The following BHLHE22 variants were observed in gnomAD, a reference collection of about 807,000 sequenced individuals.
The protein encoded by BHLHE22 is basic helix-loop-helix family member e22, also known as class E basic helix-loop-helix protein 22.
BHLHE22 carries 8 observed loss-of-function variants against 17.6 expected under a neutral mutation model. The observed-to-expected ratio is 0.45, with a 90% CI of 0.27 to 0.82. BHLHE22 has a LOEUF of 0.82. Among genes scored for constraint, BHLHE22 ranks in the 40% least tolerant of loss-of-function variants. The probability of loss-of-function intolerance (pLI) is 0.16; values close to 1 mark genes in which losing one functional copy is unlikely to be tolerated. For missense variants in BHLHE22, 570 were observed against 581.5 expected (o/e 0.98, Z 0.20); for synonymous variants, 353 against 282.7 (o/e 1.25, Z -2.49).
Position 64,580,657 on chromosome 8 carries a change from C to A in BHLHE22, c.-134C>A. 3.0e-6 allele frequency: 1 copy of A among 330,050 alleles called. No individual in the cohort carries two copies. Among genetic ancestry groups the A allele is most frequent in the Non-Finnish European group, 4.4e-6 (1 of 228,594 alleles). 20.4% of individuals were successfully genotyped at this position (330,050 alleles called of 1,614,324 possible). A position where few individuals can be genotyped will look rare whatever the true frequency, so the allele number is the denominator to read the frequency against. On this transcript the variant is annotated 5_prime_UTR_variant, in exon 1 of 1. Coordinates refer to ENST00000321870, the MANE Select transcript of BHLHE22 (RefSeq NM_152414.5). ...AGAAAGAAGGGGAGAGGGCTCCCGG[C>A]AGCACCAGGACCGACGCGCGCACCA...
Position 64,581,747 on chromosome 8 carries a change from C to T in BHLHE22, c.957C>T (p.Ala319=). The change falls in exon 1 of 1, where the codon GCC becomes GCT. Residue 319 remains alanine (A), a synonymous_variant. Transcript: ENST00000321870. This position sits in a 1 kb window ranked among gnomAD's most constrained non-coding sequence, Gnocchi z 6.4. ...YLNQGQAISA[A]SLPSSAAAAA... Reference sequence around the variant, plus strand: ...ACCAGGGCCAGGCCATCTCGGCTGCCTCCCTGCCCAGCTCGGCGGCTGCAG... The same window carrying T: ...ACCAGGGCCAGGCCATCTCGGCTGCTTCCCTGCCCAGCTCGGCGGCTGCAG... 6.2e-7 allele frequency: 1 copy of T among 1,600,918 alleles called. No homozygotes were observed. Among genetic ancestry groups the T allele is most frequent in the Non-Finnish European group, 8.5e-7 (1 of 1,175,546 alleles).
chr8:64,581,196 G>C lies in BHLHE22; in HGVS notation c.406G>C (p.Gly136Arg), dbSNP rs781325458. Residue 136 changes from glycine (G) to arginine (R), a missense_variant, in exon 1 of 1, where the codon GGC becomes CGC. Physicochemically the swap from Gly to Arg is moderately radical, Grantham distance 125. This residue lies in a region of BHLHE22 where 427 missense variants were observed against 376.2 expected (regional missense o/e 1.14). Transcript: ENST00000321870. This position sits in a 1 kb window ranked among gnomAD's most constrained non-coding sequence, Gnocchi z 6.4. ...CAAGTACGGCGAAAGCGCGAGCCGG[G>C]GCTCGGTGGCCGAGAGCAGCGGCGG... ...CLKYGESASRGSVAESSGGEQ... is the reference protein window; with the variant it reads ...CLKYGESASRRSVAESSGGEQ... 8.3e-6 allele frequency: 12 copies of C among 1,440,598 alleles called. No individual in the cohort carries two copies. Among genetic ancestry groups the C allele is most frequent in the South Asian group, 1.5e-5 (1 of 66,280 alleles). The allele number at this position is 1,440,598 out of a possible 1,614,324, so 89.2% of individuals were successfully genotyped here. A position where few individuals can be genotyped will look rare whatever the true frequency, so the allele number is the denominator to read the frequency against.
In BHLHE22 at chr8:64,581,217, G is replaced by A; in HGVS notation, c.427G>A (p.Gly143Ser). 5 of 1,455,232 alleles carry A rather than the reference G, an allele frequency of 3.4e-6. No individual in the cohort carries two copies. Among genetic ancestry groups the A allele is most frequent in the Non-Finnish European group, 4.5e-6 (5 of 1,115,888 alleles). 90.1% of individuals were successfully genotyped at this position (1,455,232 alleles called of 1,614,324 possible). A position where few individuals can be genotyped will look rare whatever the true frequency, so the allele number is the denominator to read the frequency against. The change falls in exon 1 of 1, where the codon GGC becomes AGC. Residue 143 changes from glycine to serine, a missense_variant. Transcript: ENST00000321870. The surrounding 1 kb of genome is among the most constrained non-coding windows in gnomAD (Gnocchi z 6.4). ...ASRGSVAESS[G>S]GEQSPDDDSD... ...CCGGGGCTCGGTGGCCGAGAGCAGC[G>A]GCGGCGAGCAGAGCCCCGACGACGA...
chr8:64,581,073 G>GGCA lies in BHLHE22; in HGVS notation c.285_286insAGC (p.Gly95_Gly96insSer), dbSNP rs1223413587. ...CAGCGCGGGAAGTGGCGGCGGCGGC[G>GGCA]GCGGCGGGGTGGGTGTCCCCGGGCT... On this transcript the variant is annotated inframe_insertion, in exon 1 of 1. Coordinates refer to ENST00000321870, the MANE Select transcript of BHLHE22 (RefSeq NM_152414.5). This position sits in a 1 kb window ranked among gnomAD's most constrained non-coding sequence, Gnocchi z 6.4. 1 of 1,325,336 alleles carries GGCA rather than the reference G, an allele frequency of 7.5e-7. No individual in the cohort carries two copies. Among genetic ancestry groups the GGCA allele is most frequent in the African/African-American group, 1.5e-5 (1 of 64,868 alleles). 82.1% of individuals were successfully genotyped at this position (1,325,336 alleles called of 1,614,324 possible).
rs1402558859 is a variant in BHLHE22, at chr8:64,581,674, T to C, written c.884T>C (p.Met295Thr). 1 of 1,612,538 alleles carries C rather than the reference T, an allele frequency of 6.2e-7. No individual in the cohort carries two copies. Among genetic ancestry groups the C allele is most frequent in the Admixed American group, 1.7e-5 (1 of 59,958 alleles). ...CTGCTCGCCAAGAACTACATCCTCA[T>C]GCAGGCGCAGGCCCTGGAGGAGATG... ...TLLLAKNYILMQAQALEEMRR... is the reference protein window; with the variant it reads ...TLLLAKNYILTQAQALEEMRR... Residue 295 changes from methionine (M) to threonine (T), a missense_variant, in exon 1 of 1, where the codon ATG becomes ACG. By Grantham distance (81) the Met-to-Thr change is moderately conservative. This residue lies in a region of BHLHE22 where 111 missense variants were observed against 122.0 expected (regional missense o/e 0.91). Transcript: ENST00000321870. The surrounding 1 kb of genome is among the most constrained non-coding windows in gnomAD (Gnocchi z 6.4).
At position 64,581,499 on chromosome 8, in the gene BHLHE22, T is replaced by G. The variant is rs1475916141; in HGVS notation, c.709T>G (p.Ser237Ala). The G allele has an allele frequency of 1.3e-6, 2 of 1,587,160 alleles. No individual in the cohort carries two copies. Among genetic ancestry groups the G allele is most frequent in the Non-Finnish European group, 1.7e-6 (2 of 1,171,874 alleles). Residue 237 changes from serine (S) to alanine (A), a missense_variant, in exon 1 of 1, where the codon TCC (serine) becomes GCC (alanine). This residue lies in a region of BHLHE22 where 32 missense variants were observed against 83.3 expected (regional missense o/e 0.38). Transcript: ENST00000321870. The surrounding 1 kb of genome is among the most constrained non-coding windows in gnomAD (Gnocchi z 6.4). The part of the protein sequence containing the change: ...SSSSSSSSKK[S>A]KEQKALRLNI... ...CAGCAGCAGCAGCAGCAGCAAGAAATCCAAAGAGCAAAAGGCGCTGCGGCT... is the reference window on the plus strand; with the variant it reads ...CAGCAGCAGCAGCAGCAGCAAGAAAGCCAAAGAGCAAAAGGCGCTGCGGCT...
Position 64,582,850 on chromosome 8 carries a change from A to G in BHLHE22, c.*914A>G, listed in dbSNP as rs1175101343. 6.0e-6 allele frequency: 1 copy of G among 166,992 alleles called. No individual in the cohort carries two copies. Among genetic ancestry groups the G allele is most frequent in the Admixed American group, 6.5e-5 (1 of 15,280 alleles). The allele number at this position is 166,992 out of a possible 1,614,324, so 10.3% of individuals were successfully genotyped here. A position where few individuals can be genotyped will look rare whatever the true frequency, so the allele number is the denominator to read the frequency against. Reference sequence around the variant, plus strand: ...TACTTATGCTGTGTGCCAAGTGTTTAAAGGTTTATTTGCCAACAAGTATGA... The same window carrying G: ...TACTTATGCTGTGTGCCAAGTGTTTGAAGGTTTATTTGCCAACAAGTATGA... On this transcript the variant is annotated 3_prime_UTR_variant, in exon 1 of 1. Transcript: ENST00000321870.
chr8:64,580,735 A>AGGC lies in BHLHE22; in HGVS notation c.-43_-41dup, dbSNP rs1473288924. On this transcript the variant is annotated 5_prime_UTR_variant, in exon 1 of 1. Coordinates refer to ENST00000321870, the MANE Select transcript of BHLHE22 (RefSeq NM_152414.5). ...GTGGGGCCGCCTGACTCCGGGGCCG[A>AGGC]GGCGGCGGCGGCGGCAGCGGGCGCG... is the stretch of plus-strand genomic sequence containing the variant. The AGGC allele has an allele frequency of 2.7e-5, 27 of 998,802 alleles. No individual in the cohort carries two copies. The South Asian group carries it at 5.5e-4, about 20-fold the overall frequency. The allele number at this position is 998,802 out of a possible 1,614,324, so 61.9% of individuals were successfully genotyped here. A position where few individuals can be genotyped will look rare whatever the true frequency, so the allele number is the denominator to read the frequency against.
rs1397626095 is a variant in BHLHE22, at chr8:64,580,645, G to A, written c.-146G>A. On this transcript the variant is annotated 5_prime_UTR_variant, in exon 1 of 1. Transcript: ENST00000321870. ...CGAAAAAGAAAAAGAAAGAAGGGGA[G>A]AGGGCTCCCGGCAGCACCAGGACCG... 3 of 252,166 alleles carry A rather than the reference G, an allele frequency of 1.2e-5. No individual in the cohort carries two copies. Among genetic ancestry groups the A allele is most frequent in the Non-Finnish European group, 1.3e-5 (2 of 157,180 alleles). The allele number at this position is 252,166 out of a possible 1,614,324, so 15.6% of individuals were successfully genotyped here.
Position 64,580,679 on chromosome 8 carries a change from A to C in BHLHE22, c.-112A>C. On this transcript the variant is annotated 5_prime_UTR_variant, in exon 1 of 1. Transcript: ENST00000321870. ...CGGCAGCACCAGGACCGACGCGCGC[A>C]CCAGCTCCGGAGCCCAGCTCGCGCG... 1 of 555,500 alleles carries C rather than the reference A, an allele frequency of 1.8e-6. No homozygotes were observed. The highest frequency in any genetic ancestry group is 1.4e-4 in the East Asian group (1 of 6,966). The allele number at this position is 555,500 out of a possible 1,614,324, so 34.4% of individuals were successfully genotyped here. A position where few individuals can be genotyped will look rare whatever the true frequency, so the allele number is the denominator to read the frequency against.
rs763704164 is a variant in BHLHE22, at chr8:64,581,450, T to TAGCGGCAGCGGCAGCGGCGGTAGCGGC, written c.672_673insAGCGGCGGTAGCGGCAGCGGCAGCGGC (p.Gly224_Gly225insSerGlyGlySerGlySerGlySerGly). On this transcript the variant is annotated inframe_insertion, in exon 1 of 1. Transcript: ENST00000321870. This position sits in a 1 kb window ranked among gnomAD's most constrained non-coding sequence, Gnocchi z 6.4. ...GCAGTGGCGGCGGTGGCGGTAGCGG[T>TAGCGGCAGCGGCAGCGGCGGTAGCGGC]AGCGGCAGCGGCGGCAGCAGCAGCA... 3 of 1,533,854 alleles carry TAGCGGCAGCGGCAGCGGCGGTAGCGGC rather than the reference T, an allele frequency of 2.0e-6. No homozygotes were observed. Among genetic ancestry groups the TAGCGGCAGCGGCAGCGGCGGTAGCGGC allele is most frequent in the Non-Finnish European group, 2.6e-6 (3 of 1,143,878 alleles).
Position 64,582,169 on chromosome 8 carries a change from G to A in BHLHE22, c.*233G>A. 1.7e-6 allele frequency: 1 copy of A among 592,100 alleles called. No individual in the cohort carries two copies. The highest frequency in any genetic ancestry group is 3.0e-6 in the Non-Finnish European group (1 of 336,916). The allele number at this position is 592,100 out of a possible 1,614,324, so 36.7% of individuals were successfully genotyped here. A position where few individuals can be genotyped will look rare whatever the true frequency, so the allele number is the denominator to read the frequency against. On this transcript the variant is annotated 3_prime_UTR_variant, in exon 1 of 1. Transcript: ENST00000321870. Reference sequence around the variant, plus strand: ...GGGAGGAGGGAGGTGGAGTTGGGATGGAGTATGGATGTCTTTTTTTTCTCA... The same window carrying A: ...GGGAGGAGGGAGGTGGAGTTGGGATAGAGTATGGATGTCTTTTTTTTCTCA...
At position 64,581,060 on chromosome 8, in the gene BHLHE22, TGGCGGC is replaced by T. The variant is rs544639534; in HGVS notation, c.285_290del (p.Gly96_Gly97del). 5.6e-5 allele frequency: 74 copies of T among 1,315,526 alleles called. No individual in the cohort carries two copies. Among genetic ancestry groups the T allele is most frequent in the South Asian group, 6.8e-5 (3 of 44,258 alleles). The allele number at this position is 1,315,526 out of a possible 1,614,324, so 81.5% of individuals were successfully genotyped here. On this transcript the variant is annotated inframe_deletion, in exon 1 of 1. Coordinates refer to ENST00000321870, the MANE Select transcript of BHLHE22 (RefSeq NM_152414.5). This position sits in a 1 kb window ranked among gnomAD's most constrained non-coding sequence, Gnocchi z 6.4. ...GAGGCGGCGGCGGCAGCGCGGGAAG[TGGCGGC>T]GGCGGCGGCGGCGGGGTGGGTGTCC...
Position 64,580,727 on chromosome 8 carries a change from CG to C in BHLHE22, c.-60del. 1 of 989,424 alleles carries C rather than the reference CG, an allele frequency of 1.0e-6. No homozygotes were observed. The highest frequency in any genetic ancestry group is 1.2e-6 in the Non-Finnish European group (1 of 829,228). The allele number at this position is 989,424 out of a possible 1,614,324, so 61.3% of individuals were successfully genotyped here. A position where few individuals can be genotyped will look rare whatever the true frequency, so the allele number is the denominator to read the frequency against. On this transcript the variant is annotated 5_prime_UTR_variant, in exon 1 of 1. Transcript: ENST00000321870. ...GCGCGTCTGTGGGGCCGCCTGACTC[CG>C]GGGCCGAGGCGGCGGCGGCGGCAGC...
rs1322187703 is a variant in BHLHE22, at chr8:64,581,350, C to T, written c.560C>T (p.Ala187Val). Residue 187 changes from alanine to valine, a missense_variant, in exon 1 of 1, where the codon GCC becomes GTC. Physicochemically the swap from Ala to Val is moderately conservative, Grantham distance 64 (BLOSUM62 0). Transcript: ENST00000321870. This position sits in a 1 kb window ranked among gnomAD's most constrained non-coding sequence, Gnocchi z 6.4. Reference sequence around the variant, plus strand: ...AAGGCAGCCGAGGGCTGCTCCAATGCCCACCTCCACGGCGGCGCCAGCGTC... The same window carrying T: ...AAGGCAGCCGAGGGCTGCTCCAATGTCCACCTCCACGGCGGCGCCAGCGTC... ...GAKAAEGCSN[A>V]HLHGGASVPP... The T allele has an allele frequency of 2.0e-6, 3 of 1,469,200 alleles. No individual in the cohort carries two copies. In the African/African-American group the frequency reaches 4.4e-5, roughly 22 times the overall value. The allele number at this position is 1,469,200 out of a possible 1,614,324, so 91.0% of individuals were successfully genotyped here.
Position 64,582,352 on chromosome 8 carries a change from CT to C in BHLHE22, c.*417del. On this transcript the variant is annotated 3_prime_UTR_variant, in exon 1 of 1. Transcript: ENST00000321870. ...CTAATAATTGTGGATTTGGCTAGTG[CT>C]GAGGGGGAGAGGAGGGGTTAGGGGT... 1 of 230,732 alleles carries C rather than the reference CT, an allele frequency of 4.3e-6. No homozygotes were observed. Among genetic ancestry groups the C allele is most frequent in the Non-Finnish European group, 8.9e-6 (1 of 112,326 alleles). The allele number at this position is 230,732 out of a possible 1,614,324, so 14.3% of individuals were successfully genotyped here. A position where few individuals can be genotyped will look rare whatever the true frequency, so the allele number is the denominator to read the frequency against.
At position 64,581,869 on chromosome 8, in the gene BHLHE22, C is replaced by G. The variant is rs180818429; in HGVS notation, c.1079C>G (p.Pro360Arg). Reference protein sequence around the residue: ...SAGLPPAASCPEKCALFNSVS... With the variant: ...SAGLPPAASCREKCALFNSVS... ...GGACTGCCCCCGGCTGCCTCCTGCCCGGAGAAGTGCGCCCTGTTTAACAGC... is the reference window on the plus strand; with the variant it reads ...GGACTGCCCCCGGCTGCCTCCTGCCGGGAGAAGTGCGCCCTGTTTAACAGC... Residue 360 changes from proline (P) to arginine (R), a missense_variant, in exon 1 of 1, where the codon CCG (proline) becomes CGG (arginine). Physicochemically the swap from Pro to Arg is moderately radical, Grantham distance 103. Coordinates refer to ENST00000321870, the MANE Select transcript of BHLHE22 (RefSeq NM_152414.5). This position sits in a 1 kb window ranked among gnomAD's most constrained non-coding sequence, Gnocchi z 6.4. 6.2e-7 allele frequency: 1 copy of G among 1,609,060 alleles called. No individual in the cohort carries two copies. Among genetic ancestry groups the G allele is most frequent in the East Asian group, 2.2e-5 (1 of 44,748 alleles).
rs1804921093 is a variant in BHLHE22 at position 64,582,529 on chromosome 8, AGAC to A, written c.*594_*596del. 6.0e-6 allele frequency: 1 copy of A among 167,148 alleles called. No individual in the cohort carries two copies. The highest frequency in any genetic ancestry group is 1.5e-5 in the Non-Finnish European group (1 of 68,240). The allele number at this position is 167,148 out of a possible 1,614,324, so 10.4% of individuals were successfully genotyped here. ...GAGAGAGAGAGAGAGCGAGAGAGAG[AGAC>A]ATGTTACTATGAAAGACTTGTATTT... is the stretch of plus-strand genomic sequence containing the variant. On this transcript the variant is annotated 3_prime_UTR_variant, in exon 1 of 1. Coordinates refer to ENST00000321870, the MANE Select transcript of BHLHE22 (RefSeq NM_152414.5).
chr8:64,580,743 G>A lies in BHLHE22; in HGVS notation c.-48G>A. ...GCCTGACTCCGGGGCCGAGGCGGCG[G>A]CGGCGGCAGCGGGCGCGGCGGCCCG... On this transcript the variant is annotated 5_prime_UTR_variant, in exon 1 of 1. Transcript: ENST00000321870. 2.4e-5 allele frequency: 25 copies of A among 1,044,604 alleles called. No individual in the cohort carries two copies. Among genetic ancestry groups the A allele is most frequent in the Non-Finnish European group, 2.9e-5 (25 of 869,150 alleles). 64.7% of individuals were successfully genotyped at this position (1,044,604 alleles called of 1,614,324 possible). A position where few individuals can be genotyped will look rare whatever the true frequency, so the allele number is the denominator to read the frequency against.
Sources: gnomAD v4.1 joint callset for allele counts on GRCh38, gnomAD v4.1.1 for gene constraint, gnomAD v4.1.1 regional missense constraint, Gnocchi (gnomAD v3.1) non-coding constraint, MANE v1.5 for transcripts, NCBI Gene and HGNC (gene_info 2026-07-23, HGNC 2026-07-21) for gene names.